FRMPD4: variants seen among roughly 807,000 people sequenced by gnomAD.
The protein encoded by FRMPD4 is FERM and PDZ domain containing 4.
A neutral mutation model predicts 94.1 loss-of-function variants in FRMPD4; 22 were observed. The observed-to-expected ratio is 0.23, with a 90% CI of 0.17 to 0.33. The LOEUF (loss-of-function observed/expected upper bound fraction) is 0.33. Ranked by LOEUF, FRMPD4 falls within the 10% of genes least tolerant of loss-of-function variation. The pLI is 1.00. For missense variants in FRMPD4, 1,111 were observed against 1,339.9 expected (o/e 0.83, Z 2.67); for synonymous variants, 631 against 548.6 (o/e 1.15, Z -2.10).
intron 2 of FRMPD4, among the ~76,000 whole-genome samples, chrX:12,587,645 AGTGTGTGT>A (rs56902110): frequency 0.13 from 13,771 of 103,594 alleles, 737 homozygotes; most frequent in Admixed American, 0.25. Flanking sequence ...TTCCATTATG[AGTGTGTGT>A]GTGTGTGTGT....
chrX:11,941,676 C>T (rs1271622190), intron 3 of FRMPD4, among the ~76,000 whole-genome samples: 1 of 112,264 alleles, frequency 8.9e-6, no homozygotes, highest in African/African-American at 3.2e-5. Context: ...TGAAGAAATC[C>T]GGTCGGCTTC....
At chrX:12,567,193 CTG>C (rs2058722215) in intron 2 of FRMPD4, among the ~76,000 whole-genome samples, 1 of 111,727 alleles carries the variant, frequency 9.0e-6, no homozygotes, top group Non-Finnish European at 1.9e-5. Context: ...TAATAAATAC[CTG>C]CTGTATTCCT....
intron 4 of FRMPD4, among the ~76,000 whole-genome samples, chrX:12,621,242 C>G (rs1023159415): frequency 2.7e-5 from 3 of 109,144 alleles, no homozygotes; most frequent in Admixed American, 9.7e-5. Flanking sequence ...AAAAAGAAAA[C>G]AAAACAAACA....
At chrX:12,257,876 G>A (rs1849885274) in intron 1 of FRMPD4, among the ~76,000 whole-genome samples, 1 of 109,990 alleles carries the variant, frequency 9.1e-6, no homozygotes, top group Non-Finnish European at 1.9e-5. Flanking sequence ...CCCTCCATCT[G>A]TATTCCTGAT....
intron 4 of FRMPD4, among the ~76,000 whole-genome samples, chrX:12,657,147 AC>A (rs1403562735): frequency 9.0e-6 from 1 of 111,150 alleles, no homozygotes; most frequent in African/African-American, 3.3e-5. Context: ...TTATTATCTC[AC>A]CTTTCCTGTG....
At chrX:12,712,796 C>T (rs2042009788) in intron 14 of FRMPD4, among the ~76,000 whole-genome samples, 1 of 111,975 alleles carries the variant, frequency 8.9e-6, no homozygotes, top group South Asian at 3.7e-4. Flanking sequence ...CCAAAGAAGG[C>T]TGGGCATGGT....
intron 1 of FRMPD4, among the ~76,000 whole-genome samples, chrX:11,863,155 A>G (rs2053698470): frequency 9.2e-6 from 1 of 108,662 alleles, no homozygotes; most frequent in Non-Finnish European, 1.9e-5. Flanking sequence ...ATATCTCCTA[A>G]TGCTATCCCT....
intron 1 of FRMPD4, among the ~76,000 whole-genome samples, chrX:12,473,575 A>C (rs758813972): frequency 9.1e-6 from 1 of 109,822 alleles, no homozygotes; most frequent in Non-Finnish European, 1.9e-5. Context: ...AACCCACCTC[A>C]TGTGCGGAGA....
chrX:12,277,875 G>A (rs777001403), intron 1 of FRMPD4, among the ~76,000 whole-genome samples: 2 of 112,184 alleles, frequency 1.8e-5, no homozygotes, highest in Non-Finnish European at 3.8e-5. Context: ...GGTGGCTATC[G>A]TGTTGGACAG....
At position 12,138,600 on chromosome X, in the gene FRMPD4, G is replaced by T; in HGVS notation, c.-372G>T. 3.6e-6 allele frequency: 1 copy of T among 279,215 alleles called. No homozygotes were observed. The highest frequency in any genetic ancestry group is 6.3e-6 in the Non-Finnish European group (1 of 158,910). The allele number at this position is 279,215 out of a possible 1,213,427, so 23.0% of individuals were successfully genotyped here. A position where few individuals can be genotyped will look rare whatever the true frequency, so the allele number is the denominator to read the frequency against. ...CCGGGAAGCCAGAGCAGCGCCTCTC[G>T]CCCAGGCCTCGCTTTCTCTGGACGC... is the stretch of plus-strand genomic sequence containing the variant. On this transcript the variant is annotated 5_prime_UTR_variant, in exon 1 of 17. Transcript: ENST00000675598.
At chrX:12,186,559 G>A (rs2056427347) in intron 1 of FRMPD4, among the ~76,000 whole-genome samples, 2 of 111,012 alleles carry the variant, frequency 1.8e-5, no homozygotes, top group Admixed American at 1.9e-4. Flanking sequence ...AATATATTTC[G>A]ACACCTTGCC....
At chrX:11,959,442 G>A (rs2054273356) in intron 3 of FRMPD4, among the ~76,000 whole-genome samples, 1 of 112,432 alleles carries the variant, frequency 8.9e-6, no homozygotes, top group Non-Finnish European at 1.9e-5. Flanking sequence ...CATGTACAAA[G>A]AATGGCAGCA....
intron 3 of FRMPD4, among the ~76,000 whole-genome samples, chrX:12,064,353 A>C (rs976914704): frequency 8.9e-6 from 1 of 112,129 alleles, no homozygotes; most frequent in African/African-American, 3.2e-5. Context: ...ATTTTGTGGC[A>C]GCAGGGGAAA....
chrX:12,630,841 G>T (rs1209430460), intron 4 of FRMPD4, among the ~76,000 whole-genome samples: 1 of 111,856 alleles, frequency 8.9e-6, no homozygotes, highest in Admixed American at 9.5e-5. Context: ...GCTCTATCTT[G>T]TAAAAAACCC....
intron 4 of FRMPD4, among the ~76,000 whole-genome samples, chrX:12,625,611 A>C (rs1010222119): frequency 8.9e-6 from 1 of 111,931 alleles, no homozygotes; most frequent in East Asian, 2.8e-4. Context: ...TGGAGAGTAC[A>C]TTGATAGTTA....
chrX:12,316,221 A>G (rs1179924187), intron 1 of FRMPD4, among the ~76,000 whole-genome samples: 1 of 111,287 alleles, frequency 9.0e-6, no homozygotes, highest in Non-Finnish European at 1.9e-5. Context: ...ATCTCAGCTC[A>G]CCACAAACTC....
intron 1 of FRMPD4, among the ~76,000 whole-genome samples, chrX:11,824,501 C>G (rs144300049): frequency 1.2e-4 from 13 of 111,058 alleles, no homozygotes; most frequent in African/African-American, 4.3e-4. Flanking sequence ...TAGTCTCTAC[C>G]CACTAAATGT....
At chrX:12,123,508 T>C (rs1416296256) in intron 3 of FRMPD4, among the ~76,000 whole-genome samples, 4 of 111,720 alleles carry the variant, frequency 3.6e-5, no homozygotes, top group African/African-American at 1.3e-4. Flanking sequence ...TTGACCTTAG[T>C]AGAAAAGGAA....
chrX:12,578,789 T>C (rs760187659), intron 2 of FRMPD4, among the ~76,000 whole-genome samples: 106 of 112,181 alleles, frequency 9.4e-4, no homozygotes, highest in African/African-American at 3.3e-3. Context: ...ACAATTTTCA[T>C]CCTTGTTGGA....
Sources: gnomAD v4.1 joint callset for allele counts (sites outside exome capture counted in the v4.1 genomes callset) on GRCh38, gnomAD v4.1.1 for gene constraint, MANE v1.5 for transcripts, NCBI Gene and HGNC (gene_info 2026-07-23, HGNC 2026-07-21) for gene names.